Variants in TMPRSS5 observed in about 807,000 individuals in gnomAD.
TMPRSS5 encodes the protein transmembrane serine protease 5, also known as transmembrane protease serine 5.
A neutral mutation model predicts 59.7 loss-of-function variants in TMPRSS5; 45 were observed. That is an observed-to-expected ratio of 0.75 (90% CI 0.59 to 0.97). The LOEUF is 0.97. Among genes scored for constraint, TMPRSS5 ranks in the 50% least tolerant of loss-of-function variants. TMPRSS5 has a pLI of 0.00. For missense variants in TMPRSS5, 585 were observed against 596.7 expected (o/e 0.98, Z 0.20); for synonymous variants, 225 against 232.0 (o/e 0.97, Z 0.27).
chr11:113,692,396 G>A (rs1952807927), intron 9 of TMPRSS5, among the ~76,000 whole-genome samples: 1 of 152,190 alleles, frequency 6.6e-6, no homozygotes, highest in Admixed American at 6.5e-5. Flanking sequence ...GCACGTACAT[G>A]TGAGCATGTG....
intron 3 of TMPRSS5, 73 bp from the exon 4 acceptor site, chr11:113,699,100 C>T: frequency 1.3e-6 from 2 of 1,537,094 alleles, no homozygotes; most frequent in Non-Finnish European, 1.8e-6. Flanking sequence ...CCTCATCAGC[C>T]ACCTTGCTCT....
chr11:113,692,055 T>C (rs1244296561), intron 9 of TMPRSS5, among the ~76,000 whole-genome samples: 1 of 151,970 alleles, frequency 6.6e-6, no homozygotes, highest in Non-Finnish European at 1.5e-5. Flanking sequence ...ACCCAGCTCA[T>C]TTTTGTATTT....
intron 9 of TMPRSS5, 94 bp from the exon 10 acceptor site, chr11:113,691,033 C>A: frequency 8.5e-7 from 1 of 1,174,536 alleles, no homozygotes; most frequent in Non-Finnish European, 1.2e-6. Context: ...AAGTCCTCCT[C>A]AGCCCCCTTC....
At position 113,689,848 on chromosome 11, in the gene TMPRSS5, C is replaced by G; in HGVS notation, c.1276G>C (p.Gly426Arg). Residue 426 changes from glycine (G) to arginine (R), a missense_variant, in exon 12 of 13, where the codon GGG (glycine) becomes CGG (arginine). Physicochemically the swap from Gly to Arg is moderately radical, Grantham distance 125. Coordinates refer to ENST00000299882, the MANE Select transcript of TMPRSS5 (RefSeq NM_030770.4). ...TGATTGGGCTCTGCGCAGCCACGCC[C>G]CCAGCTGACCACCCCCACTAGGCGC... ...TWRLVGVVSW[G>R]RGCAEPNHPG... 3 of 1,590,630 alleles carry G rather than the reference C, an allele frequency of 1.9e-6. No individual in the cohort carries two copies. Among genetic ancestry groups the G allele is most frequent in the African/African-American group, 1.3e-5 (1 of 74,518 alleles).
chr11:113,697,086 T>C (rs1952948942), intron 5 of TMPRSS5, 115 bp from the exon 6 acceptor site: 3 of 1,194,944 alleles, frequency 2.5e-6, no homozygotes, highest in Admixed American at 4.0e-5. Flanking sequence ...GGGTTTATGC[T>C]TGTTAAAAAG....
At chr11:113,689,079 C>T (rs1392963507) in intron 12 of TMPRSS5, among the ~76,000 whole-genome samples, 1 of 152,090 alleles carries the variant, frequency 6.6e-6, no homozygotes, top group Non-Finnish European at 1.5e-5. Context: ...CACGATAGGC[C>T]GGGCACAGTG....
At position 113,699,580 on chromosome 11, in the gene TMPRSS5, G is replaced by A; in HGVS notation, c.205+15C>T. On this transcript the variant is annotated intron_variant, in intron 3 of 12. Transcript: ENST00000299882. ...CCAACCTCCCCCACACCAGAGAAAG[G>A]CCCCCAGCACTGACCTAGGAGCCAT... 2 of 1,559,448 alleles carry A rather than the reference G, an allele frequency of 1.3e-6. No individual in the cohort carries two copies. Among genetic ancestry groups the A allele is most frequent in the South Asian group, 1.2e-5 (1 of 84,294 alleles).
intron 11 of TMPRSS5, 37 bp downstream of exon 11, chr11:113,690,194 C>T: frequency 2.9e-6 from 4 of 1,403,046 alleles, no homozygotes; most frequent in Non-Finnish European, 3.8e-6. Context: ...ACCCCCACCT[C>T]CACTCCCACC....
chr11:113,690,169 G>GGCCCCCCCCCCCCC, intron 11 of TMPRSS5, 62 bp downstream of exon 11: 1 of 904,014 alleles, frequency 1.1e-6, no homozygotes. Context: ...GTCACAGCAG[G>GGCCCCCCCCCCCCC]CCCCCTGCCC....
intron 6 of TMPRSS5, among the ~76,000 whole-genome samples, chr11:113,696,337 G>A (rs1269059987): frequency 6.6e-6 from 1 of 152,120 alleles, no homozygotes; most frequent in Non-Finnish European, 1.5e-5. Flanking sequence ...CCAGGATCTG[G>A]GGAAGGGGCT....
chr11:113,704,526 C>T (rs556708388), intron 1 of TMPRSS5, among the ~76,000 whole-genome samples: 1 of 152,278 alleles, frequency 6.6e-6, no homozygotes, highest in Admixed American at 6.5e-5. Flanking sequence ...CCTGGCCTCA[C>T]CTCTCCATCC....
rs1165420636 is a variant in TMPRSS5, at chr11:113,699,201, TTGTC to T, written c.206-178_206-175del. On this transcript the variant is annotated intron_variant, in intron 3 of 12. Coordinates refer to ENST00000299882, the MANE Select transcript of TMPRSS5 (RefSeq NM_030770.4). Reference sequence around the variant, plus strand: ...CTATCTCTGCCTCTTTGACTCTCCTTTGTCTGTCTGTCTCTCTCTCTCTCTCTCT... The same window carrying T: ...CTATCTCTGCCTCTTTGACTCTCCTTTGTCTGTCTCTCTCTCTCTCTCTCT... Among the ~76,000 whole-genome samples the T allele has an allele frequency of 0.06, 3,859 of 63,844 alleles. 1,114 individuals carry two copies. The highest frequency in any genetic ancestry group is 0.15 in the African/African-American group (1,758 of 11,616). 41.9% of individuals were successfully genotyped at this position (63,844 alleles called of 152,430 possible). A position where few individuals can be genotyped will look rare whatever the true frequency, so the allele number is the denominator to read the frequency against.
At chr11:113,699,527 ACACCTGCTCAG>A in intron 3 of TMPRSS5, 57 bp downstream of exon 3, 1 of 1,338,446 alleles carries the variant, frequency 7.5e-7, no homozygotes, top group Non-Finnish European at 1.0e-6. Context: ...TTTACCTTTA[ACACCTGCTCAG>A]CACCTGCTTC....
At chr11:113,702,188 A>G (rs1953158404) in intron 1 of TMPRSS5, among the ~76,000 whole-genome samples, 2 of 152,194 alleles carry the variant, frequency 1.3e-5, no homozygotes, top group African/African-American at 2.4e-5. Flanking sequence ...CCAGTCTATC[A>G]TTGATGGGCA....
chr11:113,697,549 T>C, intron 4 of TMPRSS5, 131 bp from the exon 5 acceptor site: 1 of 1,050,926 alleles, frequency 9.5e-7, no homozygotes, highest in Middle Eastern at 2.6e-4. Context: ...CAGTGCCAAG[T>C]TCCCTGCTCC....
In TMPRSS5 at chr11:113,699,634, C is replaced by A. The variant is rs765807662; in HGVS notation, c.166G>T (p.Gly56Trp). 2 of 1,585,306 alleles carry A rather than the reference C, an allele frequency of 1.3e-6. No individual in the cohort carries two copies. The highest frequency in any genetic ancestry group is 1.7e-6 in the Non-Finnish European group (2 of 1,166,296). Reference sequence around the variant, plus strand: ...CCAACACCTGCACCGGCCAGCAGCCCCAGGGCTCCCAGCACTGCACAGCCA... The same window carrying A: ...CCAACACCTGCACCGGCCAGCAGCCACAGGGCTCCCAGCACTGCACAGCCA... ...RRGCAVLGAL[G>W]LLAGAGVGSW... The change falls in exon 3 of 13, where the codon GGG becomes TGG. Residue 56 changes from glycine to tryptophan, a missense_variant. By Grantham distance (184) the Gly-to-Trp change is radical (BLOSUM62 -2). Coordinates refer to ENST00000299882, the MANE Select transcript of TMPRSS5 (RefSeq NM_030770.4).
chr11:113,690,121 C>T, intron 11 of TMPRSS5, 110 bp downstream of exon 11: 1 of 1,427,796 alleles, frequency 7.0e-7, no homozygotes, highest in Non-Finnish European at 9.4e-7. Context: ...GAGGCTGTCT[C>T]ACACCACTGA....
At chr11:113,699,203 GTCTGTCTGTCTCTCTCTCTC>G (rs1565263242) in intron 3 of TMPRSS5, among the ~76,000 whole-genome samples, 176 bp from the exon 4 acceptor site, 415 of 36,390 alleles carry the variant, frequency 0.011, 18 homozygotes, top group Middle Eastern at 0.065. Context: ...ACTCTCCTTT[GTCTGTCTGTCTCTCTCTCTC>G]TCTCTCTCTC....
At chr11:113,694,421 C>G in intron 8 of TMPRSS5, 57 bp downstream of exon 8, 1 of 1,534,948 alleles carries the variant, frequency 6.5e-7, no homozygotes, top group Admixed American at 2.0e-5. Flanking sequence ...GACATACCAA[C>G]AGCCGAACAG....
Sources: allele counts gnomAD v4.1 joint callset (sites outside exome capture counted in the v4.1 genomes callset), GRCh38; gene constraint gnomAD v4.1.1; transcripts MANE v1.5; gene names NCBI Gene and HGNC (gene_info 2026-07-23, HGNC 2026-07-21).